The following SLC9C2 variants were observed in gnomAD, a reference collection of about 807,000 sequenced individuals.
SLC9C2 encodes solute carrier family 9 member C2 (putative), also known as sodium/hydrogen exchanger 11.
Under a neutral mutation model 140.2 loss-of-function variants are expected in SLC9C2, and 75 were observed. The ratio of observed to expected loss-of-function variants is 0.53; its 90% CI spans 0.44 to 0.65. The LOEUF is 0.65. Among genes scored for constraint, SLC9C2 ranks in the 30% least tolerant of loss-of-function variants. SLC9C2 has a pLI of 0.00. For missense variants in SLC9C2, 1,074 were observed against 1,331.8 expected (o/e 0.81, Z 3.01); for synonymous variants, 375 against 420.9 (o/e 0.89, Z 1.34).
chr1:173,566,331 AC>A (rs1317494633), intron 9 of SLC9C2, among the ~76,000 whole-genome samples: 9 of 151,946 alleles, frequency 5.9e-5, no homozygotes, highest in African/African-American at 2.2e-4. Context: ...TTGCTGGGGG[AC>A]TTTTTATTAC....
chr1:173,592,403 T>C (rs529656643), intron 4 of SLC9C2, among the ~76,000 whole-genome samples: 1 of 152,358 alleles, frequency 6.6e-6, no homozygotes, highest in East Asian at 1.9e-4. Context: ...GTGAAGAACA[T>C]CTTCGGCAGT....
intron 9 of SLC9C2, among the ~76,000 whole-genome samples, chr1:173,558,828 G>A (rs554873219): frequency 2.0e-5 from 3 of 152,094 alleles, no homozygotes; most frequent in Non-Finnish European, 2.9e-5. Context: ...CACACACTTC[G>A]AGGGCCAACT....
At chr1:173,558,633 G>T (rs1663879071) in intron 9 of SLC9C2, among the ~76,000 whole-genome samples, 1 of 152,230 alleles carries the variant, frequency 6.6e-6, no homozygotes, top group African/African-American at 2.4e-5. Context: ...TCAGGGCTTA[G>T]AATGATGCTT....
In SLC9C2 at chr1:173,500,784, T is replaced by C. The variant is rs1393137567; in HGVS notation, c.*310A>G. ...ACAACACTTTTTATAATGCACTATG[T>C]TAAAATTTGCTCTTAGCTGGAAACA... On this transcript the variant is annotated 3_prime_UTR_variant, in exon 28 of 28. Coordinates refer to ENST00000367714, the MANE Select transcript of SLC9C2 (RefSeq NM_178527.4). The C allele has an allele frequency of 5.2e-6, 1 of 190,602 alleles. No individual in the cohort carries two copies. The highest frequency in any genetic ancestry group is 6.1e-5 in the Admixed American group (1 of 16,428). 11.8% of individuals were successfully genotyped at this position (190,602 alleles called of 1,614,324 possible). A position where few individuals can be genotyped will look rare whatever the true frequency, so the allele number is the denominator to read the frequency against.
At chr1:173,564,955 TTTTTTTC>T in intron 9 of SLC9C2, among the ~76,000 whole-genome samples, 1 of 145,012 alleles carries the variant, frequency 6.9e-6, no homozygotes, top group Non-Finnish European at 1.5e-5. Context: ...TTCTTTTTTC[TTTTTTTC>T]TTTTTCTTTT....
chr1:173,524,111 A>G lies in SLC9C2; in HGVS notation c.2515-17T>C, dbSNP rs1661025841. 2 of 1,595,620 alleles carry G rather than the reference A, an allele frequency of 1.3e-6. No homozygotes were observed. Among genetic ancestry groups the G allele is most frequent in the Admixed American group, 1.8e-5 (1 of 56,522 alleles). On this transcript the variant is annotated splice_polypyrimidine_tract_variant and intron_variant, in intron 20 of 27. Transcript: ENST00000367714. Reference sequence around the variant, plus strand: ...AAGAAGTACCTAAAAACAAATAATCAAAATAATGGGGATCAGATCCTGTAA... The same window carrying G: ...AAGAAGTACCTAAAAACAAATAATCGAAATAATGGGGATCAGATCCTGTAA...
At chr1:173,585,595 T>G (rs931719214) in intron 5 of SLC9C2, among the ~76,000 whole-genome samples, 1 of 151,994 alleles carries the variant, frequency 6.6e-6, no homozygotes. Context: ...CTATCTAACC[T>G]CCTGAGTGTT....
chr1:173,533,147 T>C (rs1661705910), intron 17 of SLC9C2, among the ~76,000 whole-genome samples: 1 of 152,186 alleles, frequency 6.6e-6, no homozygotes, highest in Non-Finnish European at 1.5e-5. Context: ...CAGATACCTA[T>C]TGAGAGGGTG....
At chr1:173,501,274 T>C (rs1356742454) in intron 27 of SLC9C2, among the ~76,000 whole-genome samples, 177 bp from the exon 28 acceptor site, 1 of 152,148 alleles carries the variant, frequency 6.6e-6, no homozygotes, top group East Asian at 1.9e-4. Flanking sequence ...TAATTACATG[T>C]GCATCTCTAC....
chr1:173,528,964 C>T (rs1661387476), intron 18 of SLC9C2, among the ~76,000 whole-genome samples: 1 of 151,978 alleles, frequency 6.6e-6, no homozygotes, highest in Non-Finnish European at 1.5e-5. Context: ...ACACAGGAAG[C>T]AAAATATCTT....
intron 23 of SLC9C2, among the ~76,000 whole-genome samples, chr1:173,512,249 G>A (rs1194673951): frequency 6.6e-6 from 1 of 152,122 alleles, no homozygotes; most frequent in African/African-American, 2.4e-5. Flanking sequence ...GGGCAGTATG[G>A]TCATTTTCAC....
chr1:173,551,356 C>T (rs751114817), intron 11 of SLC9C2, among the ~76,000 whole-genome samples: 2 of 152,138 alleles, frequency 1.3e-5, no homozygotes, highest in African/African-American at 2.4e-5. Context: ...ACTAGTAAAT[C>T]GGCCTTCTGG....
At chr1:173,507,288 C>A (rs1659711603) in intron 24 of SLC9C2, among the ~76,000 whole-genome samples, 1 of 152,196 alleles carries the variant, frequency 6.6e-6, no homozygotes, top group Admixed American at 6.5e-5. Flanking sequence ...CTCTCAGCCA[C>A]AGCAGGGTAG....
At chr1:173,573,387 T>C (rs1664962090) in intron 8 of SLC9C2, 62 bp from the exon 9 acceptor site, 2 of 1,128,098 alleles carry the variant, frequency 1.8e-6, no homozygotes, top group South Asian at 1.8e-5. Context: ...ATTTTCCTTT[T>C]CATATAAAAT....
chr1:173,501,418 CT>C (rs1344904293), intron 27 of SLC9C2, among the ~76,000 whole-genome samples: 1 of 149,880 alleles, frequency 6.7e-6, no homozygotes, highest in South Asian at 2.1e-4. Context: ...CTATTGGAAA[CT>C]TTTTTTGTAA....
chr1:173,561,166 T>C (rs1463396020), intron 9 of SLC9C2, among the ~76,000 whole-genome samples: 1 of 152,214 alleles, frequency 6.6e-6, no homozygotes, highest in Non-Finnish European at 1.5e-5. Context: ...TATATATTTA[T>C]TTTATCCCTC....
chr1:173,520,407 T>A (rs946612037), intron 22 of SLC9C2, among the ~76,000 whole-genome samples: 2 of 152,150 alleles, frequency 1.3e-5, no homozygotes, highest in Non-Finnish European at 2.9e-5. Flanking sequence ...ACAACTAATC[T>A]CTTCATACCT....
At chr1:173,557,043 A>C (rs779508241) in intron 10 of SLC9C2, among the ~76,000 whole-genome samples, 61 of 152,198 alleles carry the variant, frequency 4.0e-4, no homozygotes, top group Non-Finnish European at 7.8e-4. Context: ...TTCTCAACTG[A>C]AAGTTGAAGC....
Position 173,524,013 on chromosome 1 carries a change from T to C in SLC9C2, c.2596A>G (p.Ile866Val), listed in dbSNP as rs748790648. Residue 866 changes from isoleucine (I) to valine (V), a missense_variant, in exon 21 of 28, where the codon ATC becomes GTC. Ile to Val is a conservative substitution (Grantham distance 29). Coordinates refer to ENST00000367714, the MANE Select transcript of SLC9C2 (RefSeq NM_178527.4). ...PPTPDIYLHNIIWLEGKDVLI... is the reference protein window; with the variant it reads ...PPTPDIYLHNVIWLEGKDVLI... Reference sequence around the variant, plus strand: ...ACATCTTTACCTTCCAGCCAAATGATGTTGTGAAGGTATATGTCAGGAGTT... The same window carrying C: ...ACATCTTTACCTTCCAGCCAAATGACGTTGTGAAGGTATATGTCAGGAGTT... The C allele has an allele frequency of 2.7e-5, 44 of 1,613,502 alleles. No individual in the cohort carries two copies. Among genetic ancestry groups the C allele is most frequent in the Non-Finnish European group, 3.6e-5 (43 of 1,179,834 alleles).
Sources: gnomAD v4.1 joint callset for allele counts (sites outside exome capture counted in the v4.1 genomes callset) on GRCh38, gnomAD v4.1.1 for gene constraint, MANE v1.5 for transcripts, NCBI Gene and HGNC (gene_info 2026-07-23, HGNC 2026-07-21) for gene names.